Variants in MSRA observed in about 807,000 individuals in gnomAD.
The protein encoded by MSRA is mitochondrial peptide methionine sulfoxide reductase.
MSRA carries 54 observed loss-of-function variants against 31.3 expected under a neutral mutation model. The ratio of observed to expected loss-of-function variants is 1.73; its 90% CI spans 1.39 to 2.17. MSRA has a LOEUF of 2.17. Among genes scored for constraint, MSRA ranks in the 30% most tolerant of loss-of-function variants. MSRA has a pLI of 0.00. For synonymous variants in MSRA, 169 were observed against 116.5 expected, an observed-to-expected ratio of 1.45 and a Z score of -2.90; for missense variants, 507 against 300.9, an observed-to-expected ratio of 1.69 and a Z score of -5.07.
chr8:10,069,193 A>T (rs1194220678), intron 1 of MSRA, among the ~76,000 whole-genome samples: 1 of 152,202 alleles, frequency 6.6e-6, no homozygotes. Context: ...ATAGACAGTC[A>T]TGTCATCTGT....
chr8:10,352,692 C>T (rs1011102197), intron 5 of MSRA, among the ~76,000 whole-genome samples: 1 of 151,950 alleles, frequency 6.6e-6, no homozygotes, highest in African/African-American at 2.4e-5. Context: ...TGCACATTTC[C>T]CTGGTGAGCA....
At chr8:10,175,870 C>G (rs1159627361) in intron 1 of MSRA, among the ~76,000 whole-genome samples, 1 of 152,256 alleles carries the variant, frequency 6.6e-6, no homozygotes, top group Non-Finnish European at 1.5e-5. Context: ...GGCTTTATCA[C>G]TCCATCAAGT....
At chr8:10,161,741 G>A (rs1804669458) in intron 1 of MSRA, among the ~76,000 whole-genome samples, 1 of 152,104 alleles carries the variant, frequency 6.6e-6, no homozygotes, top group South Asian at 2.1e-4. Context: ...GGGTCTCGGG[G>A]TGTCTGCATC....
At chr8:10,138,792 C>T (rs1277004284) in intron 1 of MSRA, among the ~76,000 whole-genome samples, 1 of 152,176 alleles carries the variant, frequency 6.6e-6, no homozygotes, top group Non-Finnish European at 1.5e-5. Context: ...TACAACTGTG[C>T]TAGTGCAGAA....
intron 1 of MSRA, among the ~76,000 whole-genome samples, chr8:10,116,149 A>C (rs537011638): frequency 6.6e-6 from 1 of 151,936 alleles, no homozygotes; most frequent in African/African-American, 2.4e-5. Flanking sequence ...TGACACTAAA[A>C]CTCAAGTTAG....
intron 2 of MSRA, among the ~76,000 whole-genome samples, chr8:10,220,389 ATC>A (rs1385393687): frequency 2.0e-5 from 3 of 152,226 alleles, no homozygotes; most frequent in Non-Finnish European, 4.4e-5. Context: ...TCAGTGATAC[ATC>A]ATGGTAGACA....
At chr8:10,182,982 C>T (rs1750720763) in intron 1 of MSRA, among the ~76,000 whole-genome samples, 1 of 152,208 alleles carries the variant, frequency 6.6e-6, no homozygotes, top group Admixed American at 6.5e-5. Flanking sequence ...GCAGATAATA[C>T]TGTGTAGACC....
At chr8:10,228,317 A>G (rs764272354) in intron 2 of MSRA, among the ~76,000 whole-genome samples, 1 of 152,096 alleles carries the variant, frequency 6.6e-6, no homozygotes, top group Non-Finnish European at 1.5e-5. Context: ...GGAGAGGAGC[A>G]CCTTGGAAAT....
chr8:10,073,226 T>G (rs762992906), intron 1 of MSRA, among the ~76,000 whole-genome samples: 12 of 152,238 alleles, frequency 7.9e-5, no homozygotes, highest in Non-Finnish European at 1.6e-4. Context: ...TTCACTAAAC[T>G]ATCACATATG....
At chr8:10,185,078 G>T (rs1383497233) in intron 1 of MSRA, among the ~76,000 whole-genome samples, 2 of 152,178 alleles carry the variant, frequency 1.3e-5, no homozygotes, top group Non-Finnish European at 2.9e-5. Context: ...CATTTACCAT[G>T]AAATCCTCTC....
chr8:10,192,690 AC>A (rs1261553161), intron 1 of MSRA, among the ~76,000 whole-genome samples: 1 of 152,208 alleles, frequency 6.6e-6, no homozygotes, highest in Non-Finnish European at 1.5e-5. Flanking sequence ...AACCAGCTTG[AC>A]CAGTATGTAA....
intron 5 of MSRA, among the ~76,000 whole-genome samples, chr8:10,369,644 G>A (rs1805368466): frequency 6.6e-6 from 1 of 152,136 alleles, no homozygotes; most frequent in Admixed American, 6.5e-5. Flanking sequence ...ATTTTAGGAT[G>A]AAAACTTAAA....
intron 2 of MSRA, among the ~76,000 whole-genome samples, chr8:10,222,149 G>T (rs75424054): frequency 0.014 from 2,106 of 152,080 alleles, 64 homozygotes; most frequent in African/African-American, 0.048. Context: ...GAGAGATGCA[G>T]CAGGAATACC....
chr8:10,328,912 CAG>C (rs985561276), intron 5 of MSRA, among the ~76,000 whole-genome samples: 2 of 152,154 alleles, frequency 1.3e-5, no homozygotes, highest in African/African-American at 4.8e-5. Context: ...ACTGTTGCCA[CAG>C]AGAGACCAAA....
intron 1 of MSRA, among the ~76,000 whole-genome samples, chr8:10,194,324 T>G (rs1286605870): frequency 3.9e-5 from 6 of 152,188 alleles, no homozygotes. Context: ...CCCAGCACTT[T>G]GGGAAGCCGA....
At chr8:10,375,175 C>A (rs1373509352) in intron 5 of MSRA, among the ~76,000 whole-genome samples, 1 of 152,234 alleles carries the variant, frequency 6.6e-6, no homozygotes, top group Admixed American at 6.5e-5. Flanking sequence ...AGCCACAAAT[C>A]TGCTCCCCCT....
At chr8:10,268,373 G>A (rs1798854829) in intron 3 of MSRA, among the ~76,000 whole-genome samples, 1 of 144,740 alleles carries the variant, frequency 6.9e-6, no homozygotes, top group South Asian at 2.1e-4. Flanking sequence ...GGAGATATGG[G>A]GAGACTACAC....
At chr8:10,080,469 A>G (rs1383064770) in intron 1 of MSRA, among the ~76,000 whole-genome samples, 1 of 152,092 alleles carries the variant, frequency 6.6e-6, no homozygotes, top group Non-Finnish European at 1.5e-5. Flanking sequence ...AGGACTGCAC[A>G]TGGGCCTTGT....
chr8:10,187,209 C>T (rs538433807), intron 1 of MSRA, among the ~76,000 whole-genome samples: 1 of 152,312 alleles, frequency 6.6e-6, no homozygotes, highest in South Asian at 2.1e-4. Flanking sequence ...ATTTGGTCTC[C>T]ACATGATCCA....
Sources: allele counts gnomAD v4.1 joint callset (sites outside exome capture counted in the v4.1 genomes callset), GRCh38; gene constraint gnomAD v4.1.1; transcripts MANE v1.5; gene names NCBI Gene and HGNC (gene_info 2026-07-23, HGNC 2026-07-21).